The following XG variants were observed in gnomAD, a reference collection of about 807,000 sequenced individuals.
XG encodes the protein glycoprotein Xg.
XG carries 24 observed loss-of-function variants against 25.7 expected under a neutral mutation model. The ratio of observed to expected loss-of-function variants is 0.93; its 90% confidence interval spans 0.68 to 1.31. XG has a LOEUF of 1.31. Among genes scored for constraint, XG ranks in the 40% most tolerant of loss-of-function variants. The probability of loss-of-function intolerance (pLI) is 0.00; values close to 1 mark genes in which losing one functional copy is unlikely to be tolerated. For missense variants in XG, 181 were observed against 187.6 expected (o/e 0.96, Z 0.21); for synonymous variants, 77 against 69.2 (o/e 1.11, Z -0.56).
chrX:2,769,180 C>T (rs1277448326), intron 1 of XG, among the ~76,000 whole-genome samples: 4 of 152,234 alleles, frequency 2.6e-5, no homozygotes, highest in South Asian at 2.1e-4. Flanking sequence ...ACAGCCTATA[C>T]GAATCTATGT....
intron 9 of XG, among the ~76,000 whole-genome samples, chrX:2,809,613 A>T (rs2087035280): frequency 1.8e-5 from 2 of 112,452 alleles, no homozygotes; most frequent in Non-Finnish European, 3.8e-5. Flanking sequence ...AGCTGGAAAT[A>T]ACAACCATTT....
At chrX:2,764,210 A>T (rs1179290583) in intron 1 of XG, among the ~76,000 whole-genome samples, 1 of 152,182 alleles carries the variant, frequency 6.6e-6, no homozygotes, top group East Asian at 1.9e-4. Flanking sequence ...ATGGTCTAAA[A>T]AGAGGAGGCA....
chrX:2,765,039 TCC>T (rs2050645963), intron 1 of XG, among the ~76,000 whole-genome samples: 5 of 23,892 alleles, frequency 2.1e-4, no homozygotes, highest in South Asian at 2.9e-3. Flanking sequence ...AGATTCTTTA[TCC>T]AAAAAAAAAA....
intron 7 of XG, among the ~76,000 whole-genome samples, chrX:2,798,369 CTTTTT>C (rs748928232): frequency 1.2e-5 from 1 of 83,866 alleles, no homozygotes; most frequent in African/African-American, 4.7e-5. Flanking sequence ...ACCATCTTTT[CTTTTT>C]TTTTTTTTTT....
At chrX:2,753,831 C>T (rs762758767) in intron 1 of XG, among the ~76,000 whole-genome samples, 30 of 152,256 alleles carry the variant, frequency 2.0e-4, no homozygotes, top group African/African-American at 6.0e-4. Flanking sequence ...ATCCACCGGC[C>T]TCCCAAAGTG....
At chrX:2,794,273 G>A (rs1178442256) in intron 5 of XG, among the ~76,000 whole-genome samples, 1 of 111,994 alleles carries the variant, frequency 8.9e-6, no homozygotes, top group Non-Finnish European at 1.9e-5. Flanking sequence ...GCCCTGGGAG[G>A]GCTTTGAGCA....
chrX:2,800,169 G>A (rs181554431), intron 7 of XG, among the ~76,000 whole-genome samples: 10 of 111,757 alleles, frequency 8.9e-5, no homozygotes, highest in African/African-American at 3.3e-4. Context: ...CAGGTTTAAC[G>A]GGTGGCAAGC....
intron 2 of XG, among the ~76,000 whole-genome samples, chrX:2,770,872 G>C (rs754579151): frequency 2.6e-5 from 4 of 152,168 alleles, no homozygotes; most frequent in African/African-American, 9.6e-5. Context: ...TGAGATGGGA[G>C]TCTCGTTCTG....
At chrX:2,796,851 G>A (rs1026079671) in intron 6 of XG, among the ~76,000 whole-genome samples, 15 of 112,089 alleles carry the variant, frequency 1.3e-4, no homozygotes, top group Non-Finnish European at 7.5e-5. Flanking sequence ...TAAATAAAGA[G>A]CGCTGTCTTA....
At position 2,752,250 on chromosome X, in the gene XG, A is replaced by G. The variant is rs771776041; in HGVS notation, c.-25A>G. 3.9e-5 allele frequency: 63 copies of G among 1,613,432 alleles called. No individual in the cohort carries two copies. The highest frequency in any genetic ancestry group is 5.3e-5 in the Non-Finnish European group (63 of 1,179,660). ...ATCCGCTTGGCTGGGGAGTCCACTGAGGTTCTTGCATCCTGAAGCAAACCA... is the reference window on the plus strand; with the variant it reads ...ATCCGCTTGGCTGGGGAGTCCACTGGGGTTCTTGCATCCTGAAGCAAACCA... On this transcript the variant is annotated 5_prime_UTR_variant, in exon 1 of 11. Coordinates refer to ENST00000644266, the MANE Select transcript of XG (RefSeq NM_001141919.2).
chrX:2,771,177 CAG>C (rs2050810364), intron 2 of XG, among the ~76,000 whole-genome samples: 2 of 152,002 alleles, frequency 1.3e-5, no homozygotes, highest in African/African-American at 4.8e-5. Flanking sequence ...TCTTACACTT[CAG>C]TTCATATCCC....
chrX:2,774,900 A>T, intron 3 of XG, 161 bp downstream of exon 3: 1 of 907,222 alleles, frequency 1.1e-6, no homozygotes, highest in Non-Finnish European at 1.8e-6. Flanking sequence ...GTGATTAGGG[A>T]AATGCAAATC....
chrX:2,773,521 A>G (rs55780117), intron 2 of XG, among the ~76,000 whole-genome samples: 15,604 of 94,474 alleles, frequency 0.17, 634 homozygotes, highest in East Asian at 0.26. Flanking sequence ...GAAGGAGAGA[A>G]GGAAGGAAGG....
At chrX:2,783,746 G>A (rs2086755614) in intron 4 of XG, among the ~76,000 whole-genome samples, 3 of 112,827 alleles carry the variant, frequency 2.7e-5, no homozygotes, top group East Asian at 2.8e-4. Context: ...AGGCCGAGGC[G>A]GGCAGATCAC....
chrX:2,764,433 C>A (rs1200152772), intron 1 of XG, among the ~76,000 whole-genome samples: 1 of 152,142 alleles, frequency 6.6e-6, no homozygotes, highest in Non-Finnish European at 1.5e-5. Flanking sequence ...GACCTCTTTC[C>A]GGTCACAAGT....
At chrX:2,759,632 T>C (rs1262961562) in intron 1 of XG, among the ~76,000 whole-genome samples, 5 of 152,190 alleles carry the variant, frequency 3.3e-5, no homozygotes, top group Non-Finnish European at 7.3e-5. Flanking sequence ...TGTGAAGACA[T>C]CTGGCAAATA....
chrX:2,781,604 G>GT (rs1219073037), intron 3 of XG, among the ~76,000 whole-genome samples: 3 of 111,743 alleles, frequency 2.7e-5, no homozygotes, highest in African/African-American at 9.8e-5. Flanking sequence ...CCTGTAACAG[G>GT]TTGCAGAAAT....
chrX:2,765,807 G>C (rs1175934525), intron 1 of XG, among the ~76,000 whole-genome samples: 2 of 149,162 alleles, frequency 1.3e-5, no homozygotes, highest in Non-Finnish European at 3.0e-5. Flanking sequence ...ATTATTATTC[G>C]AGCAATGGTA....
intron 8 of XG, among the ~76,000 whole-genome samples, chrX:2,807,007 T>C (rs2087004026): frequency 8.9e-6 from 1 of 112,631 alleles, no homozygotes; most frequent in African/African-American, 3.2e-5. Context: ...TGTGTGTGTA[T>C]ACATATGTGT....
Sources: allele counts gnomAD v4.1 joint callset (sites outside exome capture counted in the v4.1 genomes callset), GRCh38; gene constraint gnomAD v4.1.1; transcripts MANE v1.5; gene names NCBI Gene and HGNC (gene_info 2026-07-23, HGNC 2026-07-21).